Variants in RFC3 observed in about 807,000 individuals in gnomAD.
RFC3 encodes the protein replication factor C subunit 3.
A neutral mutation model predicts 45.1 loss-of-function variants in RFC3; 41 were observed. The ratio of observed to expected loss-of-function variants is 0.91; its 90% CI spans 0.71 to 1.18. The LOEUF is 1.18. Among genes scored for constraint, RFC3 ranks in the 50% most tolerant of loss-of-function variants. The pLI, the probability that RFC3 is intolerant of heterozygous loss-of-function variation, is 0.00. For synonymous variants in RFC3, 149 were observed against 144.0 expected, an observed-to-expected ratio of 1.03 and a Z score of -0.25; for missense variants, 423 against 428.1, an observed-to-expected ratio of 0.99 and a Z score of 0.10.
intron 8 of RFC3, among the ~76,000 whole-genome samples, chr13:33,961,017 T>A (rs188594291): frequency 1.3e-4 from 20 of 152,354 alleles, no homozygotes; most frequent in Admixed American, 1.2e-3. Context: ...TAAGTTTGAA[T>A]CTCAGATAAA....
the RFC3 span, among the ~76,000 whole-genome samples, chr13:33,973,695 G>A: frequency 6.8e-6 from 1 of 147,528 alleles, no homozygotes; most frequent in African/African-American, 2.5e-5. Flanking sequence ...CTGTTGCCCA[G>A]GCTGGAGTGC....
chr13:33,954,426 T>C (rs1209983664), intron 8 of RFC3, among the ~76,000 whole-genome samples: 1 of 152,202 alleles, frequency 6.6e-6, no homozygotes, highest in Non-Finnish European at 1.5e-5. Context: ...TTACAGTGCT[T>C]GGACTATGAT....
At chr13:33,882,290 G>T (rs956715631) in intron 8 of RFC3, among the ~76,000 whole-genome samples, 5 of 152,222 alleles carry the variant, frequency 3.3e-5, no homozygotes, top group African/African-American at 9.6e-5. Context: ...TTTGGGAGGG[G>T]GTTATATAGT....
chr13:33,888,251 C>G (rs2082539538), intron 8 of RFC3, among the ~76,000 whole-genome samples: 1 of 152,148 alleles, frequency 6.6e-6, no homozygotes, highest in African/African-American at 2.4e-5. Flanking sequence ...TCAGGGGGCA[C>G]CATTACATAC....
intron 8 of RFC3, among the ~76,000 whole-genome samples, chr13:33,870,680 G>C (rs2082401467): frequency 1.3e-5 from 2 of 152,104 alleles, no homozygotes; most frequent in African/African-American, 2.4e-5. Flanking sequence ...CCATATGTCT[G>C]GCTAGAACTA....
intron 8 of RFC3, 144 bp from the exon 9 acceptor site, chr13:33,835,960 G>T: frequency 2.3e-6 from 2 of 875,312 alleles, no homozygotes; most frequent in Non-Finnish European, 3.3e-6. Context: ...TTTGGATGAA[G>T]GTCGTTGATT....
At chr13:33,818,663 T>C (rs980355637) in intron 1 of RFC3, among the ~76,000 whole-genome samples, 3 of 152,096 alleles carry the variant, frequency 2.0e-5, no homozygotes, top group Non-Finnish European at 4.4e-5. Flanking sequence ...GTGTATGTGT[T>C]GGGATGGAGT....
chr13:33,965,360 C>T (rs1171153309), intron 8 of RFC3, among the ~76,000 whole-genome samples: 1 of 152,072 alleles, frequency 6.6e-6, no homozygotes, highest in Non-Finnish European at 1.5e-5. Context: ...TGTTTAGATA[C>T]ACAAATACCA....
At chr13:33,923,820 T>TCCTTGGG (rs1333002043) in intron 8 of RFC3, among the ~76,000 whole-genome samples, 1 of 152,140 alleles carries the variant, frequency 6.6e-6, no homozygotes, top group Non-Finnish European at 1.5e-5. Context: ...GAGAGCTTTC[T>TCCTTGGG]AAGCCCCAAG....
rs192962148 is a variant in RFC3 at position 33,954,612 on chromosome 13, G to A, written c.880-11475G>A. Among the ~76,000 whole-genome samples the A allele has an allele frequency of 2.4e-4, 36 of 152,268 alleles. 1 individual carries two copies. The East Asian group carries it at 2.7e-3, about 11-fold the overall frequency. ...AACAAACATTTATTTCTCACAGTCCGGAGGCTGGAAGTCCAAGATTAAGGG... is the reference window on the plus strand; with the variant it reads ...AACAAACATTTATTTCTCACAGTCCAGAGGCTGGAAGTCCAAGATTAAGGG... On this transcript the variant is annotated intron_variant, in intron 8 of 8. Coordinates refer to the RFC3 transcript ENST00000434425.
At chr13:33,870,364 T>C (rs1023638435) in intron 8 of RFC3, among the ~76,000 whole-genome samples, 1 of 152,236 alleles carries the variant, frequency 6.6e-6, no homozygotes, top group Admixed American at 6.5e-5. Context: ...TGAAAAGTGA[T>C]CTATTTTGTT....
chr13:33,927,493 A>T (rs762825705), intron 8 of RFC3, among the ~76,000 whole-genome samples: 14 of 152,148 alleles, frequency 9.2e-5, no homozygotes, highest in African/African-American at 2.4e-5. Flanking sequence ...GGGCTTGCAC[A>T]ACAGTGGATC....
chr13:33,910,221 T>A (rs568642569), intron 8 of RFC3, among the ~76,000 whole-genome samples: 1 of 152,216 alleles, frequency 6.6e-6, no homozygotes, highest in African/African-American at 2.4e-5. Context: ...CAGATTTTTC[T>A]CTCAAAAAGA....
intron 8 of RFC3, among the ~76,000 whole-genome samples, chr13:33,932,925 TG>T (rs1479295893): frequency 2.6e-5 from 4 of 152,186 alleles, no homozygotes; most frequent in African/African-American, 7.2e-5. Flanking sequence ...ACAGCCTAAA[TG>T]GACAATATGT....
intron 8 of RFC3, among the ~76,000 whole-genome samples, chr13:33,898,500 G>A (rs535688047): frequency 1.8e-4 from 28 of 151,860 alleles, no homozygotes; most frequent in Admixed American, 1.6e-3. Flanking sequence ...ATGGGATACC[G>A]AAAAAGCAGT....
At chr13:33,885,968 G>C (rs981801075) in intron 8 of RFC3, among the ~76,000 whole-genome samples, 2 of 151,802 alleles carry the variant, frequency 1.3e-5, no homozygotes, top group African/African-American at 4.8e-5. Flanking sequence ...TGGCCAATGA[G>C]ACATACAGGT....
At chr13:33,844,873 A>G (rs997795903) in intron 8 of RFC3, among the ~76,000 whole-genome samples, 2 of 152,132 alleles carry the variant, frequency 1.3e-5, no homozygotes, top group African/African-American at 4.8e-5. Context: ...ATTGCCAGTG[A>G]GTCTTGTACC....
intron 4 of RFC3, among the ~76,000 whole-genome samples, chr13:33,827,993 A>G (rs2082066293): frequency 6.6e-6 from 1 of 151,928 alleles, no homozygotes; most frequent in African/African-American, 2.4e-5. Flanking sequence ...GATCTTGCCA[A>G]AGGAAGAAAA....
chr13:33,892,319 G>A (rs1198293632), intron 8 of RFC3, among the ~76,000 whole-genome samples: 1 of 152,124 alleles, frequency 6.6e-6, no homozygotes, highest in Non-Finnish European at 1.5e-5. Flanking sequence ...GCCAGAATAA[G>A]GGATGTGGGT....
Sources: allele counts gnomAD v4.1 joint callset (sites outside exome capture counted in the v4.1 genomes callset), GRCh38; gene constraint gnomAD v4.1.1; transcripts MANE v1.5; gene names NCBI Gene and HGNC (gene_info 2026-07-23, HGNC 2026-07-21).